The following XIRP2 variants were observed in gnomAD, a reference collection of about 807,000 sequenced individuals.
XIRP2 encodes xin actin binding repeat containing 2.
Under a neutral mutation model 277.0 loss-of-function variants are expected in XIRP2, and 236 were observed. The ratio of observed to expected loss-of-function variants is 0.85; its 90% CI spans 0.77 to 0.95. XIRP2 has a LOEUF of 0.95. XIRP2 is among the 40% of genes least tolerant of loss of function. The pLI, the probability that XIRP2 is intolerant of heterozygous loss-of-function variation, is 0.00. For synonymous variants in XIRP2, 1,490 were observed against 1,416.5 expected, an observed-to-expected ratio of 1.05 and a Z score of -1.17; for missense variants, 4,640 against 4,157.5, an observed-to-expected ratio of 1.12 and a Z score of -3.19.
intron 2 of XIRP2, among the ~76,000 whole-genome samples, chr2:167,012,119 C>A (rs1687696388): frequency 6.6e-6 from 1 of 151,686 alleles, no homozygotes; most frequent in African/African-American, 2.4e-5. Context: ...AATGTGTTTG[C>A]TCTTGCTTTT....
At chr2:167,225,046 T>C (rs1198709783) in intron 5 of XIRP2, among the ~76,000 whole-genome samples, 1 of 152,174 alleles carries the variant, frequency 6.6e-6, no homozygotes, top group Non-Finnish European at 1.5e-5. Flanking sequence ...CCAACTATAA[T>C]AAATGACAAG....
At chr2:167,044,892 AAAAGCCTC>A (rs1173893890) in intron 2 of XIRP2, among the ~76,000 whole-genome samples, 1 of 152,052 alleles carries the variant, frequency 6.6e-6, no homozygotes, top group Non-Finnish European at 1.5e-5. Flanking sequence ...ACAGAATTAG[AAAAGCCTC>A]TTACAAAATT....
At chr2:167,148,766 ATAGACT>A (rs1342016587) in intron 3 of XIRP2, among the ~76,000 whole-genome samples, 2 of 152,194 alleles carry the variant, frequency 1.3e-5, no homozygotes, top group Non-Finnish European at 2.9e-5. Flanking sequence ...CAGAAAGGAA[ATAGACT>A]TAAATGGAAA....
chr2:167,209,005 T>C (rs974949848), intron 3 of XIRP2, among the ~76,000 whole-genome samples: 1 of 152,130 alleles, frequency 6.6e-6, no homozygotes, highest in African/African-American at 2.4e-5. Flanking sequence ...TTTCAGTGAT[T>C]TGTGGGAATC....
At chr2:166,976,095 A>C (rs1686710828) in intron 2 of XIRP2, among the ~76,000 whole-genome samples, 1 of 152,168 alleles carries the variant, frequency 6.6e-6, no homozygotes, top group Non-Finnish European at 1.5e-5. Flanking sequence ...GTAATGTGGA[A>C]TATGAGAACT....
In XIRP2 at chr2:166,925,613, ATATATATATATATACATATAAG is replaced by A. The variant is rs1326519569; in HGVS notation, c.408+21734_408+21755del. On this transcript the variant is annotated intron_variant, in intron 2 of 10. Coordinates refer to ENST00000409195, the MANE Select transcript of XIRP2 (RefSeq NM_152381.6). ...TGTATATACATATATATATATATAT[ATATATATATATATACATATAAG>A]TATATATATAAAATTTCTCTCCTCC... 6.8e-3 allele frequency among the ~76,000 whole-genome samples: 984 copies of A among 145,576 alleles called. 13 individuals carry two copies. Among genetic ancestry groups the A allele is most frequent in the African/African-American group, 0.023 (933 of 40,178 alleles).
intron 2 of XIRP2, among the ~76,000 whole-genome samples, chr2:167,045,722 A>G (rs1688770388): frequency 6.6e-6 from 1 of 152,144 alleles, no homozygotes; most frequent in South Asian, 2.1e-4. Flanking sequence ...ATAATTAAAA[A>G]GTCACAAAAT....
chr2:166,922,620 G>A (rs1685081122), intron 2 of XIRP2, among the ~76,000 whole-genome samples: 1 of 151,622 alleles, frequency 6.6e-6, no homozygotes, highest in African/African-American at 2.4e-5. Context: ...TCAGAATTCA[G>A]AACAAATAAT....
chr2:167,026,487 A>G (rs1688164497), intron 2 of XIRP2, among the ~76,000 whole-genome samples: 2 of 152,064 alleles, frequency 1.3e-5, no homozygotes, highest in Non-Finnish European at 2.9e-5. Context: ...TGTGAATTTG[A>G]TCCTGTCATT....
intron 2 of XIRP2, among the ~76,000 whole-genome samples, chr2:167,028,993 G>A (rs1188173177): frequency 6.6e-6 from 1 of 151,624 alleles, no homozygotes; most frequent in African/African-American, 2.4e-5. Flanking sequence ...CTTAAAGATA[G>A]GCTCTTTGAA....
intron 2 of XIRP2, among the ~76,000 whole-genome samples, chr2:167,000,908 G>A (rs911498386): frequency 2.1e-4 from 32 of 152,060 alleles, no homozygotes; most frequent in African/African-American, 7.2e-4. Flanking sequence ...CTGACCAGGT[G>A]CAGTGGTGCA....
chr2:166,963,142 A>C (rs1454686485), intron 2 of XIRP2, among the ~76,000 whole-genome samples: 1 of 151,824 alleles, frequency 6.6e-6, no homozygotes, highest in Non-Finnish European at 1.5e-5. Context: ...TTTGTCAATT[A>C]AAAATTATTA....
intron 3 of XIRP2, among the ~76,000 whole-genome samples, chr2:167,151,395 A>G (rs902071548): frequency 2.0e-5 from 3 of 152,170 alleles, no homozygotes; most frequent in East Asian, 1.9e-4. Context: ...AAGCCTGGAC[A>G]TCACCACTAC....
At chr2:167,045,227 C>T (rs1384988271) in intron 2 of XIRP2, among the ~76,000 whole-genome samples, 2 of 152,004 alleles carry the variant, frequency 1.3e-5, no homozygotes, top group Admixed American at 6.6e-5. Context: ...AGACCTCCTC[C>T]TTTCACCATA....
At chr2:166,995,952 A>G (rs1437435755) in intron 2 of XIRP2, among the ~76,000 whole-genome samples, 2 of 152,160 alleles carry the variant, frequency 1.3e-5, no homozygotes, top group African/African-American at 4.8e-5. Flanking sequence ...TTCAAGATTC[A>G]GCACCTAAAT....
intron 3 of XIRP2, among the ~76,000 whole-genome samples, chr2:167,193,692 A>T (rs1693414749): frequency 6.6e-6 from 1 of 152,066 alleles, no homozygotes; most frequent in African/African-American, 2.4e-5. Context: ...AGCCTAGCTA[A>T]CATGGGGAAA....
At chr2:167,088,979 A>T (rs1403849329) in intron 2 of XIRP2, among the ~76,000 whole-genome samples, 2 of 152,148 alleles carry the variant, frequency 1.3e-5, no homozygotes, top group African/African-American at 4.8e-5. Context: ...TTTTCCCTGT[A>T]CCTGGCATGT....
intron 2 of XIRP2, among the ~76,000 whole-genome samples, chr2:167,122,984 G>A (rs1182841504): frequency 6.6e-6 from 1 of 152,084 alleles, no homozygotes; most frequent in Admixed American, 6.6e-5. Context: ...TGTTTCACCT[G>A]AGAACCTAAA....
intron 5 of XIRP2, among the ~76,000 whole-genome samples, chr2:167,221,462 A>G (rs1694428393): frequency 1.0e-5 from 1 of 100,156 alleles, no homozygotes; most frequent in Non-Finnish European, 1.9e-5. Flanking sequence ...CTCCATCTCA[A>G]AAAAAAAAAA....
Sources: allele counts gnomAD v4.1 joint callset (sites outside exome capture counted in the v4.1 genomes callset), GRCh38; gene constraint gnomAD v4.1.1; transcripts MANE v1.5; gene names NCBI Gene and HGNC (gene_info 2026-07-23, HGNC 2026-07-21).